PRR14L: variants seen among roughly 807,000 people sequenced by gnomAD.
The protein encoded by PRR14L is protein PRR14L.
In PRR14L, 80 loss-of-function variants were observed where a neutral mutation model predicts 155.0. The ratio of observed to expected loss-of-function variants is 0.52; its 90% CI spans 0.43 to 0.62. The LOEUF (loss-of-function observed/expected upper bound fraction) is 0.62, where lower values mean the gene tolerates loss of function less well. Ranked by LOEUF, PRR14L falls within the 20% of genes least tolerant of loss-of-function variation. The probability of loss-of-function intolerance (pLI) is 0.00; values close to 1 mark genes in which losing one functional copy is unlikely to be tolerated. For synonymous variants in PRR14L, 883 were observed against 916.0 expected, an observed-to-expected ratio of 0.96 and a Z score of 0.65; for missense variants, 2,469 against 2,548.0, an observed-to-expected ratio of 0.97 and a Z score of 0.67.
Position 31,685,463 on chromosome 22 carries a change from AAAAC to A in PRR14L, c.*60_*63del. 42 of 1,415,408 alleles carry A rather than the reference AAAAC, an allele frequency of 3.0e-5. No individual in the cohort carries two copies. The African/African-American group carries it at 5.7e-4, about 19-fold the overall frequency. The allele number at this position is 1,415,408 out of a possible 1,614,324, so 87.7% of individuals were successfully genotyped here. On this transcript the variant is annotated 3_prime_UTR_variant, in exon 9 of 9. Transcript: ENST00000327423. ...TCCAAGGAGGTCCAAAAAAAAAAAA[AAAAC>A]CCAAAAACAAAACAAAACAAAAAAA...
At chr22:31,722,855 A>G (rs1258516835) in intron 3 of PRR14L, among the ~76,000 whole-genome samples, 1 of 152,056 alleles carries the variant, frequency 6.6e-6, no homozygotes, top group Non-Finnish European at 1.5e-5. Flanking sequence ...TCTTAATTCC[A>G]CAGTAAAGAT....
chr22:31,725,438 A>G lies in PRR14L; in HGVS notation c.547+100T>C, dbSNP rs116765545. ...ATAGTTAAGTACACCTTACAAGGCA[A>G]GGACTTACAACCCTTATATTCTCAA... is the stretch of plus-strand genomic sequence containing the variant. On this transcript the variant is annotated intron_variant, in intron 3 of 8. Transcript: ENST00000327423. 3,391 of 762,432 alleles carry G rather than the reference A, an allele frequency of 4.4e-3. 90 individuals are homozygous for G. In the African/African-American group the frequency reaches 0.053, roughly 12 times the overall value. The allele number at this position is 762,432 out of a possible 1,614,324, so 47.2% of individuals were successfully genotyped here.
Position 31,716,878 on chromosome 22 carries a change from C to T in PRR14L, c.961G>A (p.Glu321Lys). Residue 321 changes from glutamate (E) to lysine (K), a missense_variant, in exon 4 of 9, where the codon GAA (glutamate) becomes AAA (lysine). Glu to Lys is a moderately conservative substitution (Grantham distance 56, BLOSUM62 1). Coordinates refer to ENST00000327423, the MANE Select transcript of PRR14L (RefSeq NM_173566.3). Reference protein sequence around the residue: ...NHQQLHGHHNEQPSSTHDSPT... With the variant: ...NHQQLHGHHNKQPSSTHDSPT... ...CTATCATGTGTAGAACTGGGTTGTT[C>T]ATTATGGTGGCCATGAAGCTGTTGG... 1 of 1,551,788 alleles carries T rather than the reference C, an allele frequency of 6.4e-7. No individual in the cohort carries two copies. Among genetic ancestry groups the T allele is most frequent in the Non-Finnish European group, 8.7e-7 (1 of 1,147,008 alleles).
Position 31,712,544 on chromosome 22 carries a change from A to T in PRR14L, c.5295T>A (p.Ser1765=). The T allele has an allele frequency of 6.4e-7, 1 of 1,551,788 alleles. No individual in the cohort carries two copies. The highest frequency in any genetic ancestry group is 8.7e-7 in the Non-Finnish European group (1 of 1,147,028). ...CPSQPPKWTF[S]FFLSHGCPGM... is the part of the protein sequence containing the mutation. ...CAGGGCAACCGTGGGACAAGAAGAA[A>T]GAAAAGGTCCACTTGGGAGGTTGAG... The change falls in exon 4 of 9, where the codon TCT becomes TCA. Residue 1765 remains serine (S), a synonymous_variant. Transcript: ENST00000327423.
At position 31,713,290 on chromosome 22, in the gene PRR14L, G is replaced by C. The variant is rs1401752323; in HGVS notation, c.4549C>G (p.Pro1517Ala). 1 of 1,552,120 alleles carries C rather than the reference G, an allele frequency of 6.4e-7. No individual in the cohort carries two copies. Among genetic ancestry groups the C allele is most frequent in the Admixed American group, 2.0e-5 (1 of 50,976 alleles). The change falls in exon 4 of 9, where the codon CCC becomes GCC. Residue 1517 changes from proline to alanine, a missense_variant. Around this residue, in one of 2 missense-constraint regions of PRR14L, gnomAD observed 2,363 missense variants for 2,371.6 expected, o/e 1.00. Transcript: ENST00000327423. ...HGAFAKKGVL[P>A]LKKQPHRTCK... is the part of the protein sequence containing the mutation. The stretch of plus-strand genomic sequence containing the variant: ...GTTCGATGGGGCTGCTTCTTTAAGG[G>C]AAGAACTCCTTTCTTCGCAAAGGCA...
chr22:31,706,957 G>A (rs2074595617), intron 4 of PRR14L, among the ~76,000 whole-genome samples: 2 of 152,012 alleles, frequency 1.3e-5, no homozygotes, highest in South Asian at 2.1e-4. Context: ...GCTGAGGCAG[G>A]AGAATCGCTT....
At chr22:31,727,859 G>A (rs556321269) in intron 2 of PRR14L, among the ~76,000 whole-genome samples, 1 of 151,966 alleles carries the variant, frequency 6.6e-6, no homozygotes, top group East Asian at 1.9e-4. Context: ...GTGCGTGCCT[G>A]TAATCCCAGC....
chr22:31,719,608 A>G (rs1283250072), intron 3 of PRR14L, among the ~76,000 whole-genome samples: 1 of 152,162 alleles, frequency 6.6e-6, no homozygotes, highest in Non-Finnish European at 1.5e-5. Context: ...AAATAAACAA[A>G]TGTTATTAAT....
chr22:31,706,495 T>C (rs75531135), intron 4 of PRR14L, among the ~76,000 whole-genome samples: 2 of 149,416 alleles, frequency 1.3e-5, no homozygotes, highest in African/African-American at 5.0e-5. Context: ...CGCGATCTCA[T>C]CTCACTGCAA....
chr22:31,686,242 G>C (rs1221341916), intron 8 of PRR14L, among the ~76,000 whole-genome samples: 1 of 151,232 alleles, frequency 6.6e-6, no homozygotes, highest in African/African-American at 2.4e-5. Flanking sequence ...GGGACTACAG[G>C]TGCCCACCAC....
intron 7 of PRR14L, among the ~76,000 whole-genome samples, chr22:31,700,185 T>C (rs958042513): frequency 6.6e-6 from 1 of 152,190 alleles, no homozygotes; most frequent in African/African-American, 2.4e-5. Flanking sequence ...GGCATATAAC[T>C]TGAAAGAAGT....
Position 31,717,248 on chromosome 22 carries a change from G to A in PRR14L, c.591C>T (p.Ala197=), listed in dbSNP as rs1336550103. Residue 197 remains alanine (A), a synonymous_variant, in exon 4 of 9, where the codon GCC becomes GCT. Transcript: ENST00000327423. ...QITAETLLKS[A]EVQGMKVNGT... ...CATTGACCTTCATACCTTGTACTTC[G>A]GCGGATTTTAGCAGAGTTTCAGCTG... 3 of 1,550,968 alleles carry A rather than the reference G, an allele frequency of 1.9e-6. No individual in the cohort carries two copies. Among genetic ancestry groups the A allele is most frequent in the Admixed American group, 2.0e-5 (1 of 50,884 alleles).
intron 5 of PRR14L, chr22:31,704,431 C>CT (rs536307233): frequency 0.065 from 21,146 of 327,110 alleles, 22 homozygotes; most frequent in Middle Eastern, 0.082. Context: ...GTGATTTTCA[C>CT]TTTTTTTTTT....
At chr22:31,728,115 G>A (rs1311710697) in intron 2 of PRR14L, among the ~76,000 whole-genome samples, 1 of 152,164 alleles carries the variant, frequency 6.6e-6, no homozygotes, top group African/African-American at 2.4e-5. Context: ...AGCTCTGCTA[G>A]TCTGGGCTCC....
chr22:31,693,012 G>C (rs1300845342), intron 7 of PRR14L, among the ~76,000 whole-genome samples: 1 of 152,040 alleles, frequency 6.6e-6, no homozygotes, highest in Non-Finnish European at 1.5e-5. Context: ...AGAAAGTAGA[G>C]AGTTCCCATA....
At chr22:31,701,483 T>C (rs181491120) in intron 7 of PRR14L, among the ~76,000 whole-genome samples, 173 bp downstream of exon 7, 64 of 152,344 alleles carry the variant, frequency 4.2e-4, no homozygotes, top group African/African-American at 1.3e-3. Context: ...AGGCAATGTA[T>C]TAAAATGTCC....
At chr22:31,710,374 G>A (rs191676973) in intron 4 of PRR14L, among the ~76,000 whole-genome samples, 36 of 152,080 alleles carry the variant, frequency 2.4e-4, no homozygotes, top group African/African-American at 8.2e-4. Flanking sequence ...CAATAGTAAG[G>A]GCAAATTAAA....
intron 4 of PRR14L, among the ~76,000 whole-genome samples, chr22:31,705,614 C>T (rs570424393): frequency 7.2e-5 from 11 of 151,986 alleles, no homozygotes; most frequent in Admixed American, 2.6e-4. Context: ...CCTTGTGATC[C>T]GCCCACCTTA....
At chr22:31,704,754 A>G (rs1221183086) in intron 4 of PRR14L, 28 bp from the exon 5 acceptor site, 9 of 1,577,614 alleles carry the variant, frequency 5.7e-6, no homozygotes, top group Non-Finnish European at 7.0e-6. Context: ...TACAAAAGCA[A>G]TAGGTAAGGG....
Sources: allele counts gnomAD v4.1 joint callset (sites outside exome capture counted in the v4.1 genomes callset), GRCh38; gene constraint gnomAD v4.1.1; regional missense constraint gnomAD v4.1.1; transcripts MANE v1.5; gene names NCBI Gene and HGNC (gene_info 2026-07-23, HGNC 2026-07-21).